NXPH1: variants seen among roughly 807,000 people sequenced by gnomAD.
The protein encoded by NXPH1 is neurexophilin 1, also known as neurexophilin-1.
In NXPH1, 5 loss-of-function variants were observed where a neutral mutation model predicts 23.7. The ratio of observed to expected loss-of-function variants is 0.21; its 90% CI spans 0.11 to 0.44. The LOEUF (loss-of-function observed/expected upper bound fraction) is 0.44. NXPH1 is among the 20% of genes least tolerant of loss of function. The probability of loss-of-function intolerance (pLI) is 0.99; values close to 1 mark genes in which losing one functional copy is unlikely to be tolerated. For synonymous variants in NXPH1, 144 were observed against 122.2 expected (o/e 1.18, Z -1.18); for missense variants, 324 against 321.6 (o/e 1.01, Z -0.06).
Position 8,621,691 on chromosome 7 carries a change from G to A in NXPH1, c.55-129317G>A, listed in dbSNP as rs1438560339. On this transcript the variant is annotated intron_variant, in intron 2 of 2. Transcript: ENST00000405863. Reference sequence around the variant, plus strand: ...AGTAGAGACAGGGTTTCACCATGTTGACAAGGCTAGTCTCAAACTCCTGAC... The same window carrying A: ...AGTAGAGACAGGGTTTCACCATGTTAACAAGGCTAGTCTCAAACTCCTGAC... Among the ~76,000 whole-genome samples, 3 of 152,008 alleles carry A rather than the reference G, an allele frequency of 2.0e-5. No homozygotes were observed. In the East Asian group the frequency reaches 5.8e-4, roughly 29 times the overall value.
intron 2 of NXPH1, among the ~76,000 whole-genome samples, chr7:8,464,324 AT>A (rs1472130546): frequency 6.6e-6 from 1 of 152,142 alleles, no homozygotes; most frequent in African/African-American, 2.4e-5. Flanking sequence ...TTTTAGGAAT[AT>A]TTCTTTATGA....
chr7:8,723,496 T>G (rs2115208785), intron 2 of NXPH1, among the ~76,000 whole-genome samples: 1 of 152,346 alleles, frequency 6.6e-6, no homozygotes, highest in East Asian at 1.9e-4. Flanking sequence ...TTCAGTTTTG[T>G]CTTAAGTAAA....
chr7:8,606,342 T>C (rs1270166615), intron 2 of NXPH1, among the ~76,000 whole-genome samples: 1 of 152,082 alleles, frequency 6.6e-6, no homozygotes, highest in Non-Finnish European at 1.5e-5. Context: ...CCTAACCACA[T>C]ACAACTTCAA....
chr7:8,551,279 T>C (rs995116532), intron 2 of NXPH1, among the ~76,000 whole-genome samples: 6 of 151,548 alleles, frequency 4.0e-5, no homozygotes, highest in South Asian at 4.1e-4. Flanking sequence ...TTGTCTAAGA[T>C]CTAATACATT....
At chr7:8,691,870 T>G (rs1821226728) in intron 2 of NXPH1, among the ~76,000 whole-genome samples, 1 of 152,096 alleles carries the variant, frequency 6.6e-6, no homozygotes, top group African/African-American at 2.4e-5. Flanking sequence ...AAGTGCTATG[T>G]GAAGAATGCT....
intron 2 of NXPH1, among the ~76,000 whole-genome samples, chr7:8,465,867 A>G (rs1816779051): frequency 6.6e-6 from 1 of 152,158 alleles, no homozygotes; most frequent in Non-Finnish European, 1.5e-5. Context: ...GCTACTAACT[A>G]AACTGGAGAC....
chr7:8,641,615 T>C (rs533316143), intron 2 of NXPH1, among the ~76,000 whole-genome samples: 4 of 152,184 alleles, frequency 2.6e-5, no homozygotes, highest in East Asian at 3.8e-4. Context: ...GGTTTCCTTT[T>C]TCTTTTTTAA....
At chr7:8,562,251 A>C (rs948769883) in intron 2 of NXPH1, among the ~76,000 whole-genome samples, 1 of 151,740 alleles carries the variant, frequency 6.6e-6, no homozygotes, top group African/African-American at 2.4e-5. Flanking sequence ...TTTTAAGAAG[A>C]GGTTGGAACA....
intron 2 of NXPH1, among the ~76,000 whole-genome samples, chr7:8,564,252 C>A (rs1562403829): frequency 1.3e-5 from 2 of 151,738 alleles, no homozygotes; most frequent in Non-Finnish European, 2.9e-5. Context: ...CAGATTCAAG[C>A]CAATTGCAAA....
rs1725958929 is a variant in NXPH1, at chr7:8,571,026, CTAATCTAATCTA to C, written c.54+135260_54+135271del. 2.2e-3 allele frequency among the ~76,000 whole-genome samples: 9 copies of C among 4,090 alleles called. No homozygotes were observed. The South Asian group carries it at 0.065, about 30-fold the overall frequency. The allele number at this position is 4,090 out of a possible 152,430, so 2.7% of individuals were successfully genotyped here. A position where few individuals can be genotyped will look rare whatever the true frequency, so the allele number is the denominator to read the frequency against. ...CTGTCTATCTGTCTGTCTATCTAAT[CTAATCTAATCTA>C]ATCTAATCTAATCTAATCTAATCTA... On this transcript the variant is annotated intron_variant, in intron 2 of 2. Coordinates refer to ENST00000405863, the MANE Select transcript of NXPH1 (RefSeq NM_152745.3).
intron 2 of NXPH1, among the ~76,000 whole-genome samples, chr7:8,444,217 G>A (rs1816357553): frequency 1.3e-5 from 2 of 152,226 alleles, no homozygotes; most frequent in Admixed American, 6.5e-5. Flanking sequence ...CAGAGATCTG[G>A]CATGTAGTGC....
At chr7:8,706,237 G>A (rs371608251) in intron 2 of NXPH1, among the ~76,000 whole-genome samples, 7 of 152,150 alleles carry the variant, frequency 4.6e-5, no homozygotes, top group African/African-American at 1.7e-4. Context: ...TCAAGTAACC[G>A]TGCAATTTTA....
intron 2 of NXPH1, among the ~76,000 whole-genome samples, chr7:8,540,668 T>C (rs1391725137): frequency 6.6e-6 from 1 of 151,778 alleles, no homozygotes; most frequent in Non-Finnish European, 1.5e-5. Flanking sequence ...TACCTTTCAA[T>C]TCAGTGGAAT....
At chr7:8,724,589 T>C (rs190403973) in intron 2 of NXPH1, among the ~76,000 whole-genome samples, 131 of 152,386 alleles carry the variant, frequency 8.6e-4, no homozygotes, top group African/African-American at 3.0e-3. Flanking sequence ...ACAGCATCTC[T>C]AGTCATTTTG....
intron 2 of NXPH1, among the ~76,000 whole-genome samples, chr7:8,690,109 C>A (rs1177366628): frequency 1.3e-5 from 2 of 152,154 alleles, no homozygotes; most frequent in Non-Finnish European, 2.9e-5. Context: ...TTTAATAAAG[C>A]AATCTAGACT....
At position 8,751,775 on chromosome 7, in the gene NXPH1, A is replaced by C. The variant is rs1260923231; in HGVS notation, c.*6A>C. 6.2e-7 allele frequency: 1 copy of C among 1,603,026 alleles called. No individual in the cohort carries two copies. Among genetic ancestry groups the C allele is most frequent in the Non-Finnish European group, 8.5e-7 (1 of 1,174,942 alleles). On this transcript the variant is annotated 3_prime_UTR_variant, in exon 3 of 3. Transcript: ENST00000405863. This position sits in a 1 kb window ranked among gnomAD's most constrained non-coding sequence, Gnocchi z 4.5. Reference sequence around the variant, plus strand: ...CTTACTTTCCCTCGGGATGAAGGTGAACATGGGGGTGAGACTGAAGCCTGA... The same window carrying C: ...CTTACTTTCCCTCGGGATGAAGGTGCACATGGGGGTGAGACTGAAGCCTGA...
rs1816315635 is a variant in NXPH1 at position 8,442,260 on chromosome 7, A to G, written c.54+6493A>G. On this transcript the variant is annotated intron_variant, in intron 2 of 2. Transcript: ENST00000405863. This position sits in a 1 kb window ranked among gnomAD's most constrained non-coding sequence, Gnocchi z 4.6. The stretch of plus-strand genomic sequence containing the variant: ...ATCTGCATGAGAATGGAGAACCGGG[A>G]GGCTTTTCTTGTACTGTTTCTTTCT... Among the ~76,000 whole-genome samples, 1 of 152,172 alleles carries G rather than the reference A, an allele frequency of 6.6e-6. No homozygotes were observed. The highest frequency in any genetic ancestry group is 1.5e-5 in the Non-Finnish European group (1 of 68,026).
At chr7:8,578,699 G>T (rs1188038907) in intron 2 of NXPH1, among the ~76,000 whole-genome samples, 3 of 152,134 alleles carry the variant, frequency 2.0e-5, no homozygotes, top group Non-Finnish European at 4.4e-5. Flanking sequence ...ACTGAAGAGG[G>T]GAGGAACACT....
intron 2 of NXPH1, among the ~76,000 whole-genome samples, chr7:8,689,828 G>C (rs1251497206): frequency 1.3e-5 from 2 of 152,128 alleles, no homozygotes; most frequent in East Asian, 3.8e-4. Context: ...CTTAGTGACT[G>C]CTACTTAGCA....
Sources: gnomAD v4.1 joint callset for allele counts (sites outside exome capture counted in the v4.1 genomes callset) on GRCh38, gnomAD v4.1.1 for gene constraint, Gnocchi (gnomAD v3.1) non-coding constraint, MANE v1.5 for transcripts, NCBI Gene and HGNC (gene_info 2026-07-23, HGNC 2026-07-21) for gene names.